The following GRIK2 variants were observed in gnomAD, a reference collection of about 807,000 sequenced individuals.
GRIK2 encodes glutamate ionotropic receptor kainate type subunit 2.
Under a neutral mutation model 100.3 loss-of-function variants are expected in GRIK2, and 32 were observed. The ratio of observed to expected loss-of-function variants is 0.32; its 90% CI spans 0.24 to 0.43. GRIK2 has a LOEUF of 0.43. GRIK2 is among the 20% of genes least tolerant of loss of function. GRIK2 has a pLI of 1.00. For missense variants in GRIK2, 843 were observed against 1,114.9 expected (o/e 0.76, Z 3.47); for synonymous variants, 417 against 389.4 (o/e 1.07, Z -0.83).
chr6:101,569,755 C>T (rs1019872116), intron 2 of GRIK2, among the ~76,000 whole-genome samples: 3 of 152,128 alleles, frequency 2.0e-5, no homozygotes, highest in Non-Finnish European at 2.9e-5. Flanking sequence ...TAGAGTACAT[C>T]TTTAGCCTCC....
intron 11 of GRIK2, among the ~76,000 whole-genome samples, chr6:101,876,259 C>G (rs1284900693): frequency 6.6e-6 from 1 of 151,588 alleles, no homozygotes; most frequent in East Asian, 1.9e-4. Flanking sequence ...CATTTTTCCT[C>G]CTTATAATGT....
chr6:101,420,662 T>G (rs2128240184), intron 2 of GRIK2, among the ~76,000 whole-genome samples: 1 of 152,260 alleles, frequency 6.6e-6, no homozygotes, highest in South Asian at 2.1e-4. Flanking sequence ...CTAATTATCC[T>G]AATGTATTTG....
chr6:101,738,868 C>T (rs562606663), intron 7 of GRIK2, among the ~76,000 whole-genome samples: 5 of 152,230 alleles, frequency 3.3e-5, no homozygotes, highest in African/African-American at 1.2e-4. Flanking sequence ...AGAAAAATAA[C>T]ATAACACAAT....
At chr6:101,949,288 T>C (rs1329396614) in intron 14 of GRIK2, among the ~76,000 whole-genome samples, 2 of 152,120 alleles carry the variant, frequency 1.3e-5, no homozygotes, top group Non-Finnish European at 2.9e-5. Context: ...TGCCTAGATT[T>C]GATTATAATA....
At chr6:101,440,049 T>A (rs904751686) in intron 2 of GRIK2, among the ~76,000 whole-genome samples, 7 of 152,098 alleles carry the variant, frequency 4.6e-5, no homozygotes, top group Admixed American at 2.6e-4. Flanking sequence ...TGGAATTTTT[T>A]AAAAAAGTTA....
At chr6:101,904,926 A>G (rs931219999) in intron 12 of GRIK2, among the ~76,000 whole-genome samples, 5 of 151,548 alleles carry the variant, frequency 3.3e-5, no homozygotes, top group Non-Finnish European at 7.4e-5. Context: ...TACGATTATA[A>G]TCTTTTTGTT....
chr6:101,738,148 C>A (rs1005502253), intron 7 of GRIK2, among the ~76,000 whole-genome samples: 1 of 130,598 alleles, frequency 7.7e-6, no homozygotes, highest in Non-Finnish European at 1.6e-5. Flanking sequence ...ACAATTGACA[C>A]ATTAAATGTC....
intron 14 of GRIK2, among the ~76,000 whole-genome samples, chr6:102,031,447 A>G (rs372760344): frequency 2.5e-5 from 2 of 81,342 alleles, no homozygotes; most frequent in Non-Finnish European, 4.4e-5. Context: ...TTACTTATTT[A>G]TTTTTATTTT....
intron 2 of GRIK2, among the ~76,000 whole-genome samples, chr6:101,501,839 C>T (rs549193040): frequency 2.0e-5 from 3 of 152,246 alleles, no homozygotes; most frequent in South Asian, 2.1e-4. Flanking sequence ...CTCACTGCAA[C>T]CTCCGTCTCC....
chr6:101,959,849 C>G (rs1191824495), intron 14 of GRIK2, among the ~76,000 whole-genome samples: 1 of 151,984 alleles, frequency 6.6e-6, no homozygotes, highest in Non-Finnish European at 1.5e-5. Context: ...TGAGTTTCAT[C>G]TTGTAAAGTA....
chr6:101,687,929 AATGTT>A (rs1771817871), intron 7 of GRIK2, among the ~76,000 whole-genome samples: 1 of 151,000 alleles, frequency 6.6e-6, no homozygotes, highest in South Asian at 2.1e-4. Flanking sequence ...AAAAATTATA[AATGTT>A]ATATTTTATT....
At chr6:101,684,617 A>T (rs1217841954) in intron 6 of GRIK2, among the ~76,000 whole-genome samples, 1 of 152,182 alleles carries the variant, frequency 6.6e-6, no homozygotes, top group East Asian at 1.9e-4. Flanking sequence ...CTATAACAAA[A>T]GAGAGGTTGA....
At chr6:101,632,701 G>C (rs1178069425) in intron 4 of GRIK2, among the ~76,000 whole-genome samples, 2 of 152,040 alleles carry the variant, frequency 1.3e-5, no homozygotes, top group East Asian at 3.9e-4. Context: ...CTGTATACCA[G>C]CTGCTATCTT....
intron 4 of GRIK2, among the ~76,000 whole-genome samples, chr6:101,675,296 C>T (rs1163544018): frequency 1.1e-5 from 1 of 94,614 alleles, no homozygotes; most frequent in Non-Finnish European, 2.6e-5. Context: ...CACACGCAGA[C>T]ACACACACAC....
At chr6:101,541,417 CAT>C (rs61027116) in intron 2 of GRIK2, among the ~76,000 whole-genome samples, 28,862 of 108,968 alleles carry the variant, frequency 0.26, 4,353 homozygotes, top group African/African-American at 0.49. Flanking sequence ...CACACACACA[CAT>C]ACACACACAC....
intron 2 of GRIK2, among the ~76,000 whole-genome samples, chr6:101,520,163 ATCT>A (rs1009195632): frequency 2.0e-4 from 21 of 102,908 alleles, no homozygotes; most frequent in Non-Finnish European, 3.2e-4. Flanking sequence ...TACATGATAA[ATCT>A]TCTTTTTATT....
At chr6:101,845,499 C>G (rs561192764) in intron 10 of GRIK2, among the ~76,000 whole-genome samples, 25 of 152,208 alleles carry the variant, frequency 1.6e-4, no homozygotes, top group Middle Eastern at 6.8e-3. Context: ...TACTTCAATA[C>G]TTTTATGATT....
intron 2 of GRIK2, among the ~76,000 whole-genome samples, chr6:101,563,238 T>A (rs1777108015): frequency 6.6e-6 from 1 of 152,198 alleles, no homozygotes; most frequent in Non-Finnish European, 1.5e-5. Flanking sequence ...TTTCTTTAAT[T>A]GTGCTTTTTG....
At chr6:101,962,979 A>AT (rs144734031) in intron 14 of GRIK2, among the ~76,000 whole-genome samples, 11,031 of 149,576 alleles carry the variant, frequency 0.074, 551 homozygotes, top group Middle Eastern at 0.19. Flanking sequence ...AGGCAGTTGA[A>AT]TTTTTTTTTT....
Sources: allele counts gnomAD v4.1 joint callset (sites outside exome capture counted in the v4.1 genomes callset), GRCh38; gene constraint gnomAD v4.1.1; transcripts MANE v1.5; gene names NCBI Gene and HGNC (gene_info 2026-07-23, HGNC 2026-07-21).